Variants in RPA1 observed in about 807,000 individuals in gnomAD.
RPA1 encodes the protein replication protein A1.
In RPA1, 49 loss-of-function variants were observed where a neutral mutation model predicts 83.0. The ratio of observed to expected loss-of-function variants is 0.59; its 90% confidence interval spans 0.47 to 0.75. The LOEUF is 0.75. Among genes scored for constraint, RPA1 ranks in the 30% least tolerant of loss-of-function variants. The pLI is 0.00. For missense variants in RPA1, 693 were observed against 776.1 expected (o/e 0.89, Z 1.27); for synonymous variants, 279 against 281.8 (o/e 0.99, Z 0.10).
intron 5 of RPA1, among the ~76,000 whole-genome samples, chr17:1,858,858 ATG>A (rs1912825220): frequency 6.6e-6 from 1 of 150,730 alleles, no homozygotes; most frequent in African/African-American, 2.4e-5. Flanking sequence ...ATCCTGTTAA[ATG>A]TATTGTCTTA....
chr17:1,842,564 G>A (rs1210591316), intron 1 of RPA1, among the ~76,000 whole-genome samples: 5 of 152,200 alleles, frequency 3.3e-5, no homozygotes, highest in East Asian at 1.9e-4. Flanking sequence ...TAAGAATAAC[G>A]AGTACATATG....
intron 4 of RPA1, among the ~76,000 whole-genome samples, chr17:1,852,419 T>C (rs1199546418): frequency 6.6e-6 from 1 of 152,132 alleles, no homozygotes; most frequent in African/African-American, 2.4e-5. Context: ...AAATGAGTAT[T>C]AGATGAGGCA....
chr17:1,837,950 G>T (rs982533263), intron 1 of RPA1, among the ~76,000 whole-genome samples: 7 of 151,168 alleles, frequency 4.6e-5, no homozygotes, highest in Non-Finnish European at 8.9e-5. Flanking sequence ...GTGTTTTTTT[G>T]TTTGTTTTTG....
chr17:1,897,356 A>G lies in RPA1; in HGVS notation c.*181A>G. 1.7e-6 allele frequency: 1 copy of G among 576,850 alleles called. No individual in the cohort carries two copies. The highest frequency in any genetic ancestry group is 3.2e-5 in the Admixed American group (1 of 31,436). The allele number at this position is 576,850 out of a possible 1,614,324, so 35.7% of individuals were successfully genotyped here. A position where few individuals can be genotyped will look rare whatever the true frequency, so the allele number is the denominator to read the frequency against. On this transcript the variant is annotated 3_prime_UTR_variant, in exon 17 of 17. Transcript: ENST00000254719. Reference sequence around the variant, plus strand: ...TCGGTAGGCAAAGGAAAATACGCTCAGGTGGTTGTGGTGTAGACTGTGTCA... The same window carrying G: ...TCGGTAGGCAAAGGAAAATACGCTCGGGTGGTTGTGGTGTAGACTGTGTCA...
At chr17:1,860,071 A>G (rs1912884320) in intron 5 of RPA1, among the ~76,000 whole-genome samples, 1 of 150,084 alleles carries the variant, frequency 6.7e-6, no homozygotes, top group Non-Finnish European at 1.5e-5. Context: ...TCAGCCTCCC[A>G]AAGTGCTGGG....
intron 5 of RPA1, among the ~76,000 whole-genome samples, chr17:1,865,681 G>A (rs1164168457): frequency 1.3e-5 from 2 of 152,102 alleles, no homozygotes; most frequent in African/African-American, 2.4e-5. Context: ...TCCTTCAGGC[G>A]TTTCTTCATG....
At chr17:1,858,546 C>G in intron 5 of RPA1, 1 of 695,752 alleles carries the variant, frequency 1.4e-6, no homozygotes. Flanking sequence ...TCACTGCAGC[C>G]TCCGCCTCCC....
At chr17:1,878,459 A>G (rs17292091) in intron 8 of RPA1, among the ~76,000 whole-genome samples, 1,625 of 152,184 alleles carry the variant, frequency 0.011, 41 homozygotes, top group African/African-American at 0.036. Context: ...TTTCTTGTCC[A>G]CTTGTAAATT....
chr17:1,860,505 C>T (rs1290738400), intron 5 of RPA1, among the ~76,000 whole-genome samples: 5 of 152,170 alleles, frequency 3.3e-5, no homozygotes, highest in African/African-American at 1.2e-4. Flanking sequence ...CAGGCAGTGC[C>T]TAATCTGCTG....
rs191518778 is a variant in RPA1, at chr17:1,835,345, T to A, written c.33+5219T>A. ...TTTTTTTTTTAATTTTGTGTAGAGATGGGGTTTCGCCATCTTGCCTAAGCT... is the reference window on the plus strand; with the variant it reads ...TTTTTTTTTTAATTTTGTGTAGAGAAGGGGTTTCGCCATCTTGCCTAAGCT... On this transcript the variant is annotated intron_variant, in intron 1 of 16. Transcript: ENST00000254719. 1.7e-3 allele frequency among the ~76,000 whole-genome samples: 254 copies of A among 151,730 alleles called. 1 individual carries two copies. The highest frequency in any genetic ancestry group is 2.3e-3 in the Non-Finnish European group (154 of 67,926).
intron 5 of RPA1, among the ~76,000 whole-genome samples, chr17:1,861,988 C>T (rs1912990419): frequency 6.6e-6 from 1 of 151,952 alleles, no homozygotes; most frequent in Non-Finnish European, 1.5e-5. Flanking sequence ...CAAGCTCCAC[C>T]TCCCGGATTC....
Position 1,881,753 on chromosome 17 carries a change from A to G in RPA1, c.1241+1062A>G, listed in dbSNP as rs577448390. 3.9e-5 allele frequency among the ~76,000 whole-genome samples: 6 copies of G among 152,372 alleles called. No individual in the cohort carries two copies. In the South Asian group the frequency reaches 1.2e-3, roughly 32 times the overall value. ...CATGATCCCAGTCAACATAAAAAGC[A>G]CGGCTGTCCCCAGAATAAAATAACT... On this transcript the variant is annotated intron_variant, in intron 12 of 16. Transcript: ENST00000254719.
chr17:1,867,640 G>C (rs2151281953), intron 5 of RPA1, among the ~76,000 whole-genome samples: 1 of 152,190 alleles, frequency 6.6e-6, no homozygotes, highest in South Asian at 2.1e-4. Flanking sequence ...GAGCCCAGGA[G>C]GTCAAGGCTG....
intron 4 of RPA1, among the ~76,000 whole-genome samples, chr17:1,846,675 G>A (rs377628617): frequency 9.2e-5 from 14 of 152,228 alleles, no homozygotes; most frequent in African/African-American, 3.1e-4. Flanking sequence ...TGCCGATTCA[G>A]TTCTTTTCAA....
chr17:1,855,206 A>T (rs927143827), intron 5 of RPA1, among the ~76,000 whole-genome samples: 1 of 151,918 alleles, frequency 6.6e-6, no homozygotes, highest in African/African-American at 2.4e-5. Context: ...TGCATGACCC[A>T]GGCTGGAGTG....
intron 1 of RPA1, among the ~76,000 whole-genome samples, chr17:1,838,151 C>A (rs765434090): frequency 6.6e-6 from 1 of 150,640 alleles, no homozygotes. Context: ...ATTAGCTGGG[C>A]GTGGTGGCAG....
intron 15 of RPA1, among the ~76,000 whole-genome samples, chr17:1,894,402 A>G (rs1384995798): frequency 2.0e-5 from 3 of 152,150 alleles, no homozygotes; most frequent in Non-Finnish European, 4.4e-5. Flanking sequence ...CCCAACCTCA[A>G]GTGATCCACC....
intron 1 of RPA1, among the ~76,000 whole-genome samples, chr17:1,831,058 G>A (rs1911549513): frequency 6.6e-6 from 1 of 152,074 alleles, no homozygotes; most frequent in Admixed American, 6.6e-5. Context: ...GAACCACCGC[G>A]CCTGGCCCCA....
chr17:1,830,257 T>TGGGGGGGGGGGGGG, intron 1 of RPA1, 131 bp downstream of exon 1: 2 of 429,402 alleles, frequency 4.7e-6, no homozygotes, highest in Non-Finnish European at 3.5e-6. Context: ...CGGGGGGCGG[T>TGGGGGGGGGGGGGG]GGGGACCCGC....
Sources: gnomAD v4.1 joint callset for allele counts (sites outside exome capture counted in the v4.1 genomes callset) on GRCh38, gnomAD v4.1.1 for gene constraint, MANE v1.5 for transcripts, NCBI Gene and HGNC (gene_info 2026-07-23, HGNC 2026-07-21) for gene names.